ZC3H7B: variants seen among roughly 807,000 people sequenced by gnomAD.
ZC3H7B encodes zinc finger CCCH-type containing 7B.
In ZC3H7B, 35 loss-of-function variants were observed where a neutral mutation model predicts 116.0. That is an observed-to-expected ratio of 0.30 (90% CI 0.23 to 0.40). The LOEUF is 0.40. Among genes scored for constraint, ZC3H7B ranks in the 10% least tolerant of loss-of-function variants. The pLI is 1.00. For synonymous variants in ZC3H7B, 502 were observed against 545.6 expected (o/e 0.92, Z 1.11); for missense variants, 1,011 against 1,321.5 (o/e 0.77, Z 3.64).
Position 41,301,557 on chromosome 22 carries a change from C to G in ZC3H7B, c.-222C>G, listed in dbSNP as rs970840295. ...TGCCTCCAGCGGGTGCTGCCGCGAG[C>G]GGCCAGCCGAGGGGCTGGAAATGAA... is the stretch of plus-strand genomic sequence containing the variant. On this transcript the variant is annotated 5_prime_UTR_variant, in exon 1 of 23. Transcript: ENST00000352645. The G allele has an allele frequency of 1.3e-5, 2 of 152,150 alleles. No individual in the cohort carries two copies. The highest frequency in any genetic ancestry group is 2.9e-5 in the Non-Finnish European group (2 of 68,048). The allele number at this position is 152,150 out of a possible 1,614,324, so 9.4% of individuals were successfully genotyped here. A position where few individuals can be genotyped will look rare whatever the true frequency, so the allele number is the denominator to read the frequency against.
intron 13 of ZC3H7B, among the ~76,000 whole-genome samples, chr22:41,343,924 G>A (rs958432667): frequency 1.3e-5 from 2 of 152,208 alleles, no homozygotes; most frequent in African/African-American, 2.4e-5. Flanking sequence ...CCGCGGGGCA[G>A]TGTGCCCAGC....
At chr22:41,339,236 C>A (rs538806349) in intron 9 of ZC3H7B, 45 bp downstream of exon 9, 2 of 1,551,920 alleles carry the variant, frequency 1.3e-6, no homozygotes, top group Non-Finnish European at 1.7e-6. Flanking sequence ...CCCCTCTCCC[C>A]GCTGTGTCCC....
At chr22:41,303,091 TC>T (rs1344847732) in intron 1 of ZC3H7B, among the ~76,000 whole-genome samples, 1 of 152,174 alleles carries the variant, frequency 6.6e-6, no homozygotes, top group Non-Finnish European at 1.5e-5. Flanking sequence ...TACCAATACT[TC>T]CTCTACACAC....
At chr22:41,320,513 C>T (rs1027308363) in intron 1 of ZC3H7B, 142 bp from the exon 2 acceptor site, 2 of 921,972 alleles carry the variant, frequency 2.2e-6, no homozygotes, top group Non-Finnish European at 3.6e-6. Flanking sequence ...GTGGTCATCG[C>T]CCTCAGGGAC....
At position 41,340,194 on chromosome 22, in the gene ZC3H7B, C is replaced by T. The variant is rs2036503507; in HGVS notation, c.1138+57C>T. 6 of 1,507,638 alleles carry T rather than the reference C, an allele frequency of 4.0e-6. No homozygotes were observed. The South Asian group carries it at 5.1e-5, about 13-fold the overall frequency. 93.4% of individuals were successfully genotyped at this position (1,507,638 alleles called of 1,614,324 possible). On this transcript the variant is annotated intron_variant, in intron 10 of 22. Transcript: ENST00000352645. ...CTGGACAGGTTGCACAGTGCTGTGG[C>T]CTCTTTGGTGCCTGGAGAGTGGAGT...
intron 1 of ZC3H7B, among the ~76,000 whole-genome samples, chr22:41,317,132 C>A (rs2036195606): frequency 1.3e-5 from 2 of 152,144 alleles, no homozygotes; most frequent in Admixed American, 6.6e-5. Context: ...GCCACCGTGC[C>A]TGGCCCCCAG....
intron 14 of ZC3H7B, 42 bp from the exon 15 acceptor site, chr22:41,348,025 A>C (rs894777550): frequency 1.1e-5 from 17 of 1,570,154 alleles, no homozygotes; most frequent in Non-Finnish European, 1.5e-5. Context: ...CCCCCTTCCC[A>C]GGTGGCCATG....
intron 1 of ZC3H7B, among the ~76,000 whole-genome samples, chr22:41,318,326 A>C (rs1166850913): frequency 1.3e-5 from 2 of 151,996 alleles, no homozygotes; most frequent in Admixed American, 6.6e-5. Flanking sequence ...TCAGGAGATC[A>C]AGACCATCCT....
At chr22:41,307,766 TGAG>T (rs534646618) in intron 1 of ZC3H7B, among the ~76,000 whole-genome samples, 120 of 152,250 alleles carry the variant, frequency 7.9e-4, no homozygotes, top group Middle Eastern at 3.4e-3. Flanking sequence ...ATCTTGTAGA[TGAG>T]GAGCCTGAGG....
intron 2 of ZC3H7B, 99 bp downstream of exon 2, chr22:41,320,812 C>G (rs2036246148): frequency 1.9e-6 from 3 of 1,540,916 alleles, no homozygotes; most frequent in Non-Finnish European, 2.7e-6. Flanking sequence ...GCTGCTGAGC[C>G]TTTGCTGCCA....
chr22:41,321,381 A>G (rs1978667073), intron 2 of ZC3H7B, among the ~76,000 whole-genome samples: 1 of 151,708 alleles, frequency 6.6e-6, no homozygotes, highest in Non-Finnish European at 1.5e-5. Flanking sequence ...ATGCCTGGCT[A>G]ATTTTTGTAT....
At chr22:41,320,526 G>A (rs1465840610) in intron 1 of ZC3H7B, 129 bp from the exon 2 acceptor site, 1 of 1,051,866 alleles carries the variant, frequency 9.5e-7, no homozygotes, top group South Asian at 1.3e-5. Flanking sequence ...TCAGGGACAC[G>A]CCTCCCGACA....
At chr22:41,314,177 G>A (rs56071412) in intron 1 of ZC3H7B, among the ~76,000 whole-genome samples, 11 of 150,254 alleles carry the variant, frequency 7.3e-5, no homozygotes, top group Non-Finnish European at 1.6e-4. Flanking sequence ...ATTTTTTTGA[G>A]ATGGAGTCTT....
At chr22:41,355,356 G>A (rs1161564504) in intron 17 of ZC3H7B, 113 bp from the exon 18 acceptor site, 1 of 1,450,966 alleles carries the variant, frequency 6.9e-7, no homozygotes, top group African/African-American at 1.4e-5. Flanking sequence ...AGGAAGACCT[G>A]GGAGCAGACC....
rs1451329902 is a variant in ZC3H7B at position 41,359,499 on chromosome 22, G to A, written c.*2070G>A. 6.6e-6 allele frequency: 1 copy of A among 152,194 alleles called. No homozygotes were observed. Among genetic ancestry groups the A allele is most frequent in the Non-Finnish European group, 1.5e-5 (1 of 68,082 alleles). 9.4% of individuals were successfully genotyped at this position (152,194 alleles called of 1,614,324 possible). A position where few individuals can be genotyped will look rare whatever the true frequency, so the allele number is the denominator to read the frequency against. ...AGGTGATTCGGGCAGCCAGGGACAG[G>A]AGCCACCCTCCCCAGGCCCAACTCT... On this transcript the variant is annotated 3_prime_UTR_variant, in exon 23 of 23. Coordinates refer to ENST00000352645, the MANE Select transcript of ZC3H7B (RefSeq NM_017590.6).
In ZC3H7B at chr22:41,346,279, G is replaced by T; in HGVS notation, c.1665+71G>T. 2 of 1,538,634 alleles carry T rather than the reference G, an allele frequency of 1.3e-6. No individual in the cohort carries two copies. The highest frequency in any genetic ancestry group is 1.8e-5 in the Admixed American group (1 of 55,570). Reference sequence around the variant, plus strand: ...CAGGGCTGGGGATGCTCCCTGGCACGGACCACCATAGGAAGTCAGCCCTGG... The same window carrying T: ...CAGGGCTGGGGATGCTCCCTGGCACTGACCACCATAGGAAGTCAGCCCTGG... On this transcript the variant is annotated intron_variant, in intron 14 of 22. Coordinates refer to ENST00000352645, the MANE Select transcript of ZC3H7B (RefSeq NM_017590.6). This position sits in a 1 kb window ranked among gnomAD's most constrained non-coding sequence, Gnocchi z 5.3.
intron 6 of ZC3H7B, among the ~76,000 whole-genome samples, chr22:41,331,370 G>A (rs1201749393): frequency 6.7e-6 from 1 of 149,510 alleles, no homozygotes; most frequent in African/African-American, 2.5e-5. Flanking sequence ...CCTGGCTAAC[G>A]CAGTGAAAGC....
intron 5 of ZC3H7B, among the ~76,000 whole-genome samples, chr22:41,328,809 T>C (rs377052042): frequency 1.3e-5 from 2 of 151,998 alleles, no homozygotes; most frequent in Admixed American, 6.6e-5. Flanking sequence ...GTATGTATCG[T>C]CACTTGCTGG....
chr22:41,350,343 T>C (rs1210782831), intron 16 of ZC3H7B, among the ~76,000 whole-genome samples: 1 of 152,130 alleles, frequency 6.6e-6, no homozygotes. Flanking sequence ...GTTCTAAATA[T>C]GATTTACAGT....
Sources: allele counts gnomAD v4.1 joint callset (sites outside exome capture counted in the v4.1 genomes callset), GRCh38; gene constraint gnomAD v4.1.1; non-coding constraint Gnocchi (gnomAD v3.1); transcripts MANE v1.5; gene names NCBI Gene and HGNC (gene_info 2026-07-23, HGNC 2026-07-21).